The following RBFOX1 variants were observed in gnomAD, a reference collection of about 807,000 sequenced individuals.
RBFOX1 encodes RNA binding fox-1 homolog 1, also known as RNA binding protein fox-1 homolog 1.
Under a neutral mutation model 57.7 loss-of-function variants are expected in RBFOX1, and 8 were observed. The ratio of observed to expected loss-of-function variants is 0.14; its 90% CI spans 0.08 to 0.25. RBFOX1 has a LOEUF of 0.25. Among genes scored for constraint, RBFOX1 ranks in the 10% least tolerant of loss-of-function variants. The pLI, the probability that RBFOX1 is intolerant of heterozygous loss-of-function variation, is 1.00. For missense variants in RBFOX1, 611 were observed against 548.5 expected (o/e 1.11, Z -1.14); for synonymous variants, 326 against 222.4 (o/e 1.47, Z -4.15).
At chr16:7,313,661 C>G (rs1482941540) in intron 4 of RBFOX1, among the ~76,000 whole-genome samples, 1 of 151,874 alleles carries the variant, frequency 6.6e-6, no homozygotes, top group Non-Finnish European at 1.5e-5. Flanking sequence ...TGCTTTGTGA[C>G]AAGCACACGA....
At chr16:5,421,747 T>A (rs1386804297) in intron 1 of RBFOX1, among the ~76,000 whole-genome samples, 30 of 152,164 alleles carry the variant, frequency 2.0e-4, no homozygotes, top group Admixed American at 2.0e-3. Flanking sequence ...TGGAAGATAT[T>A]TTGCAAAGAA....
chr16:6,780,322 T>C (rs1248952794), intron 3 of RBFOX1, among the ~76,000 whole-genome samples: 1 of 81,062 alleles, frequency 1.2e-5, no homozygotes, highest in African/African-American at 5.7e-5. Context: ...TTTATTCATA[T>C]TTATATATAT....
At chr16:6,599,490 A>G (rs1448060795) in intron 2 of RBFOX1, among the ~76,000 whole-genome samples, 1 of 152,194 alleles carries the variant, frequency 6.6e-6, no homozygotes, top group African/African-American at 2.4e-5. Flanking sequence ...CGACACACCT[A>G]AAGGGCTTAA....
intron 3 of RBFOX1, among the ~76,000 whole-genome samples, chr16:6,898,177 C>T (rs2067440126): frequency 6.6e-6 from 1 of 152,178 alleles, no homozygotes; most frequent in Non-Finnish European, 1.5e-5. Flanking sequence ...TAGCCAACGG[C>T]ATTAAGAATG....
intron 2 of RBFOX1, among the ~76,000 whole-genome samples, chr16:6,431,675 C>G (rs2094090189): frequency 6.6e-6 from 1 of 152,000 alleles, no homozygotes; most frequent in African/African-American, 2.4e-5. Flanking sequence ...GGCACTTAGT[C>G]TGAATATGAT....
chr16:6,975,181 A>C (rs1310028410), intron 3 of RBFOX1, among the ~76,000 whole-genome samples: 1 of 152,138 alleles, frequency 6.6e-6, no homozygotes, highest in East Asian at 1.9e-4. Flanking sequence ...GATGGTACTG[A>C]GGTAAAGAGA....
chr16:7,068,682 G>C (rs1016985833), intron 4 of RBFOX1, among the ~76,000 whole-genome samples: 3 of 152,088 alleles, frequency 2.0e-5, no homozygotes, highest in African/African-American at 7.2e-5. Flanking sequence ...TGCCCCTCCG[G>C]GTTCAGGAGA....
intron 4 of RBFOX1, among the ~76,000 whole-genome samples, chr16:7,392,647 G>C (rs958913652): frequency 6.6e-6 from 1 of 152,172 alleles, no homozygotes; most frequent in African/African-American, 2.4e-5. Context: ...TATAGGTTAA[G>C]CTGAGTAGGT....
At chr16:5,611,742 C>CCATCCATCCATCCATCCATG (rs2047807352) in intron 3 of RBFOX1, among the ~76,000 whole-genome samples, 2 of 146,124 alleles carry the variant, frequency 1.4e-5, no homozygotes, top group Non-Finnish European at 3.0e-5. Flanking sequence ...ATCCATCCAT[C>CCATCCATCCATCCATCCATG]CATCCATTCA....
intron 4 of RBFOX1, among the ~76,000 whole-genome samples, chr16:7,159,970 G>T (rs181658433): frequency 0.011 from 1,641 of 152,204 alleles, 22 homozygotes; most frequent in Non-Finnish European, 0.019. Flanking sequence ...CTTCCTTGAG[G>T]GGGGAGTTGT....
intron 4 of RBFOX1, among the ~76,000 whole-genome samples, chr16:7,202,301 A>G (rs1407205566): frequency 6.9e-6 from 1 of 145,976 alleles, no homozygotes; most frequent in African/African-American, 2.6e-5. Context: ...CTGCAAATAA[A>G]AAAAAAAAAA....
chr16:6,906,682 A>G (rs1276056643), intron 3 of RBFOX1, among the ~76,000 whole-genome samples: 2 of 151,578 alleles, frequency 1.3e-5, no homozygotes, highest in Non-Finnish European at 2.9e-5. Flanking sequence ...AAAAGAGCCT[A>G]GTTCAGAGCA....
At chr16:7,209,937 G>T (rs1316721996) in intron 4 of RBFOX1, among the ~76,000 whole-genome samples, 1 of 152,150 alleles carries the variant, frequency 6.6e-6, no homozygotes, top group African/African-American at 2.4e-5. Flanking sequence ...TTGATGGTAG[G>T]CAGGCAAAAT....
intron 2 of RBFOX1, among the ~76,000 whole-genome samples, chr16:6,643,218 A>G (rs2098506598): frequency 6.6e-6 from 1 of 152,202 alleles, no homozygotes; most frequent in South Asian, 2.1e-4. Flanking sequence ...GATGAATTGG[A>G]TACTCTTGCA....
intron 10 of RBFOX1, among the ~76,000 whole-genome samples, chr16:7,629,131 C>T (rs539212362): frequency 6.6e-6 from 1 of 152,176 alleles, no homozygotes; most frequent in Non-Finnish European, 1.5e-5. Flanking sequence ...TGGGACATTC[C>T]TTCAGGTAGA....
At position 6,655,556 on chromosome 16, in the gene RBFOX1, C is replaced by G. The variant is rs1017231772; in HGVS notation, c.-16+906C>G. Among the ~76,000 whole-genome samples, 9 of 152,010 alleles carry G rather than the reference C, an allele frequency of 5.9e-5. No homozygotes were observed. The South Asian group carries it at 1.9e-3, about 32-fold the overall frequency. ...CTTCTTTGCTACACTTAATGTGAATCCCCTCAGGAAAAGCAACCGTTAGAC... is the reference window on the plus strand; with the variant it reads ...CTTCTTTGCTACACTTAATGTGAATGCCCTCAGGAAAAGCAACCGTTAGAC... On this transcript the variant is annotated intron_variant, in intron 3 of 15. Coordinates refer to ENST00000550418, the MANE Select transcript of RBFOX1 (RefSeq NM_018723.4).
chr16:7,352,434 A>G (rs2097145173), intron 4 of RBFOX1, among the ~76,000 whole-genome samples: 1 of 152,098 alleles, frequency 6.6e-6, no homozygotes, highest in Admixed American at 6.5e-5. Context: ...ATGCGTAGCT[A>G]TTGCCTTACT....
chr16:6,652,990 C>T (rs1228832661), intron 2 of RBFOX1, among the ~76,000 whole-genome samples: 1 of 152,136 alleles, frequency 6.6e-6, no homozygotes, highest in South Asian at 2.1e-4. Flanking sequence ...CCTGTGATCT[C>T]ATTCCCCTTT....
intron 1 of RBFOX1, among the ~76,000 whole-genome samples, chr16:5,406,894 C>G (rs894012624): frequency 6.6e-6 from 1 of 152,134 alleles, no homozygotes; most frequent in Admixed American, 6.5e-5. Context: ...TACCTGGTGA[C>G]AGCAGTGTGT....
Sources: gnomAD v4.1 joint callset for allele counts (sites outside exome capture counted in the v4.1 genomes callset) on GRCh38, gnomAD v4.1.1 for gene constraint, MANE v1.5 for transcripts, NCBI Gene and HGNC (gene_info 2026-07-23, HGNC 2026-07-21) for gene names.